Variants in PACS1 observed in about 807,000 individuals in gnomAD.
PACS1 encodes phosphofurin acidic cluster sorting protein 1.
PACS1 carries 24 observed loss-of-function variants against 115.0 expected under a neutral mutation model. The observed-to-expected ratio is 0.21, with a 90% CI of 0.15 to 0.29. PACS1 has a LOEUF of 0.29. PACS1 is among the 10% of genes least tolerant of loss of function. The pLI is 1.00. For missense variants in PACS1, 838 were observed against 1,251.2 expected, an observed-to-expected ratio of 0.67 and a Z score of 4.98; for synonymous variants, 453 against 504.5, an observed-to-expected ratio of 0.90 and a Z score of 1.37.
At chr11:66,231,206 C>T (rs925252479) in intron 13 of PACS1, among the ~76,000 whole-genome samples, 1 of 152,238 alleles carries the variant, frequency 6.6e-6, no homozygotes, top group South Asian at 2.1e-4. Context: ...GCCACGGCTG[C>T]GAGTGTCGAT....
intron 1 of PACS1, among the ~76,000 whole-genome samples, chr11:66,105,120 G>T (rs1273159750): frequency 6.6e-6 from 1 of 152,072 alleles, no homozygotes; most frequent in African/African-American, 2.4e-5. Context: ...GTATTAAGCA[G>T]CAGTTAAAAC....
intron 1 of PACS1, among the ~76,000 whole-genome samples, chr11:66,132,899 C>G (rs981053173): frequency 6.6e-6 from 1 of 152,182 alleles, no homozygotes; most frequent in Non-Finnish European, 1.5e-5. Context: ...AACTCGTGAC[C>G]TCAAGTGATC....
intron 1 of PACS1, among the ~76,000 whole-genome samples, chr11:66,167,594 AT>A (rs1176644283): frequency 6.7e-6 from 1 of 149,894 alleles, no homozygotes; most frequent in Non-Finnish European, 1.5e-5. Flanking sequence ...TCAATGTCTT[AT>A]TTTTAGAAAT....
At chr11:66,100,644 A>G in intron 1 of PACS1, 1 of 353,924 alleles carries the variant, frequency 2.8e-6, no homozygotes. Flanking sequence ...TTGCATACAA[A>G]CTGCACTTTG....
intron 1 of PACS1, among the ~76,000 whole-genome samples, chr11:66,104,242 G>C (rs1857984494): frequency 6.6e-6 from 1 of 152,146 alleles, no homozygotes; most frequent in Non-Finnish European, 1.5e-5. Flanking sequence ...GTCTGATTTA[G>C]GGCTGTGGCA....
intron 1 of PACS1, among the ~76,000 whole-genome samples, chr11:66,170,801 G>A (rs1269218158): frequency 6.7e-6 from 1 of 148,228 alleles, no homozygotes; most frequent in East Asian, 1.9e-4. Context: ...AAATTTGCAG[G>A]GTGTGGTGGC....
At chr11:66,147,063 A>G (rs1484596250) in intron 1 of PACS1, among the ~76,000 whole-genome samples, 1 of 152,160 alleles carries the variant, frequency 6.6e-6, no homozygotes, top group Non-Finnish European at 1.5e-5. Context: ...ACTGTCTAAA[A>G]ACAGACAAAG....
chr11:66,073,953 G>T (rs11605175), intron 1 of PACS1, among the ~76,000 whole-genome samples: 2,043 of 139,096 alleles, frequency 0.015, 19 homozygotes, highest in Middle Eastern at 0.024. Context: ...TAAAAACAGG[G>T]TCTCACTATG....
chr11:66,096,248 C>G (rs72934629), intron 1 of PACS1, among the ~76,000 whole-genome samples: 1 of 124,268 alleles, frequency 8.0e-6, no homozygotes, highest in Admixed American at 9.9e-5. Context: ...TAGGGTGTTT[C>G]GCTGTGTCAC....
chr11:66,133,560 G>C (rs749042643), intron 1 of PACS1, among the ~76,000 whole-genome samples: 1 of 152,210 alleles, frequency 6.6e-6, no homozygotes, highest in Non-Finnish European at 1.5e-5. Flanking sequence ...TGAAGACCAT[G>C]CCCAGGCTGG....
chr11:66,180,055 T>G (rs1859964835), intron 1 of PACS1, among the ~76,000 whole-genome samples: 1 of 152,154 alleles, frequency 6.6e-6, no homozygotes, highest in African/African-American at 2.4e-5. Context: ...TTGGCCAAGC[T>G]GGTCTCAAAC....
At chr11:66,076,546 C>T (rs956740351) in intron 1 of PACS1, among the ~76,000 whole-genome samples, 1 of 152,184 alleles carries the variant, frequency 6.6e-6, no homozygotes, top group Non-Finnish European at 1.5e-5. Context: ...GCGCACGCCA[C>T]CACACCCAGC....
chr11:66,215,915 A>AATT (rs1491221869), intron 4 of PACS1, among the ~76,000 whole-genome samples: 21 of 143,886 alleles, frequency 1.5e-4, no homozygotes, highest in African/African-American at 5.5e-4. Context: ...TAATAATAAT[A>AATT]ATAATAATAA....
Position 66,216,728 on chromosome 11 carries a change from G to A in PACS1, c.931G>A (p.Val311Met). Reference sequence around the variant, plus strand: ...CTACGAAGACGAAGATCTCCGGAAAGTGAAGAAGACCCGGAGGAAACTAAC... The same window carrying A: ...CTACGAAGACGAAGATCTCCGGAAAATGAAGAAGACCCGGAGGAAACTAAC... ...LFYEDEDLRK[V>M]KKTRRKLTST... The change falls in exon 7 of 24, where the codon GTG (valine) becomes ATG (methionine). Residue 311 changes from valine (V) to methionine (M), a missense_variant. Physicochemically the swap from Val to Met is conservative, Grantham distance 21 (BLOSUM62 1). This residue lies in a region of PACS1 where 223 missense variants were observed against 354.0 expected (regional missense o/e 0.63). Coordinates refer to ENST00000320580, the MANE Select transcript of PACS1 (RefSeq NM_018026.4). 1 of 1,614,098 alleles carries A rather than the reference G, an allele frequency of 6.2e-7. No homozygotes were observed. Among genetic ancestry groups the A allele is most frequent in the Non-Finnish European group, 8.5e-7 (1 of 1,179,994 alleles).
chr11:66,233,551 T>C lies in PACS1; in HGVS notation c.1839-234T>C, dbSNP rs912383929. ...CCCAGGCACACTGCCGAGTCCTACG[T>C]TAGCCTCAGCTGTTCCGTCTGCTTC... On this transcript the variant is annotated intron_variant, in intron 15 of 23. Coordinates refer to ENST00000320580, the MANE Select transcript of PACS1 (RefSeq NM_018026.4). The surrounding 1 kb of genome is among the most constrained non-coding windows in gnomAD (Gnocchi z 4.5). 5.9e-5 allele frequency among the ~76,000 whole-genome samples: 9 copies of C among 152,244 alleles called. No homozygotes were observed. The highest frequency in any genetic ancestry group is 6.5e-5 in the Admixed American group (1 of 15,286).
chr11:66,081,799 C>T (rs1857485134), intron 1 of PACS1, among the ~76,000 whole-genome samples: 1 of 152,174 alleles, frequency 6.6e-6, no homozygotes, highest in African/African-American at 2.4e-5. Flanking sequence ...TTACAGCTTG[C>T]CATTTGTCAC....
At chr11:66,147,317 A>G (rs1157615980) in intron 1 of PACS1, among the ~76,000 whole-genome samples, 2 of 151,774 alleles carry the variant, frequency 1.3e-5, no homozygotes, top group Non-Finnish European at 2.9e-5. Context: ...AAGACTAGGA[A>G]TTGCTTGCTA....
At chr11:66,211,473 G>A (rs1007380468) in intron 4 of PACS1, among the ~76,000 whole-genome samples, 1 of 152,088 alleles carries the variant, frequency 6.6e-6, no homozygotes, top group African/African-American at 2.4e-5. Context: ...TTTTTAAACA[G>A]GTAAAACTCA....
intron 1 of PACS1, among the ~76,000 whole-genome samples, chr11:66,132,030 A>C (rs1280807507): frequency 6.6e-6 from 1 of 151,044 alleles, no homozygotes; most frequent in Non-Finnish European, 1.5e-5. Context: ...TCTCTGGGGG[A>C]TTGGTTCCAC....
Sources: gnomAD v4.1 joint callset for allele counts (sites outside exome capture counted in the v4.1 genomes callset) on GRCh38, gnomAD v4.1.1 for gene constraint, gnomAD v4.1.1 regional missense constraint, Gnocchi (gnomAD v3.1) non-coding constraint, MANE v1.5 for transcripts, NCBI Gene and HGNC (gene_info 2026-07-23, HGNC 2026-07-21) for gene names.